The following TBC1D25 variants were observed in gnomAD, a reference collection of about 807,000 sequenced individuals.
TBC1D25 encodes TBC1 domain family member 25, also known as 5SN3 snoRNA.
TBC1D25 carries 13 observed loss-of-function variants against 38.8 expected under a neutral mutation model. The observed-to-expected ratio is 0.34, with a 90% confidence interval of 0.22 to 0.53. The LOEUF is 0.53. Ranked by LOEUF, TBC1D25 falls within the 20% of genes least tolerant of loss-of-function variation. The pLI is 0.94. For missense variants in TBC1D25, 372 were observed against 600.0 expected (o/e 0.62, Z 3.97); for synonymous variants, 225 against 255.6 (o/e 0.88, Z 1.14).
intron 2 of TBC1D25, 85 bp from the exon 3 acceptor site, chrX:48,544,784 A>G: frequency 2.7e-6 from 3 of 1,127,919 alleles, no homozygotes; most frequent in Non-Finnish European, 3.6e-6. Flanking sequence ...AACGCCTTCT[A>G]TATTACCCTC....
Position 48,560,972 on chromosome X carries a change from T to C in TBC1D25, c.2064T>C (p.Ser688=). The change falls in exon 6 of 6, where the codon TCT becomes TCC. Residue 688 remains serine (S), a synonymous_variant. Coordinates refer to ENST00000376771, the MANE Select transcript of TBC1D25 (RefSeq NM_002536.4). The part of the protein sequence containing the change: ...SEEGAEATAA[S] Reference sequence around the variant, plus strand: ...AGGGGGCTGAGGCCACAGCCGCATCTTGATCAGGCTTTCTCAAGCCCTCCA... The same window carrying C: ...AGGGGGCTGAGGCCACAGCCGCATCCTGATCAGGCTTTCTCAAGCCCTCCA... 2 of 1,185,917 alleles carry C rather than the reference T, an allele frequency of 1.7e-6. No individual in the cohort carries two copies. The highest frequency in any genetic ancestry group is 3.0e-5 in the East Asian group (1 of 33,464).
At position 48,541,437 on chromosome X, in the gene TBC1D25, G is replaced by A. The variant is rs1305807388; in HGVS notation, c.228G>A (p.Leu76=). Residue 76 remains leucine, a synonymous_variant, in exon 2 of 6, where the codon TTG becomes TTA. Transcript: ENST00000376771. ...ACATCCTCATCCGAGCCTTTGATTTGAGTGGGTGAGTGGGAAGATGCTGGG... is the reference window on the plus strand; with the variant it reads ...ACATCCTCATCCGAGCCTTTGATTTAAGTGGGTGAGTGGGAAGATGCTGGG... ...LQHILIRAFD[L]SGKKNFGISY... The A allele has an allele frequency of 1.7e-6, 2 of 1,209,949 alleles. No homozygotes were observed. Among genetic ancestry groups the A allele is most frequent in the Non-Finnish European group, 2.2e-6 (2 of 894,155 alleles).
Position 48,560,153 on chromosome X carries a change from G to A in TBC1D25, c.1245G>A (p.Lys415=). The A allele has an allele frequency of 8.3e-7, 1 of 1,208,649 alleles. No individual in the cohort carries two copies. Among genetic ancestry groups the A allele is most frequent in the Non-Finnish European group, 1.1e-6 (1 of 893,973 alleles). The change falls in exon 6 of 6, where the codon AAG becomes AAA. Residue 415 remains lysine, a synonymous_variant. Transcript: ENST00000376771. The part of the protein sequence containing the change: ...FCYRWLLLEL[K]REFAFDDALR... ...ACCGCTGGCTGCTGCTGGAACTCAA[G>A]CGTGAGTTCGCCTTCGACGATGCCC...
chrX:48,544,893 C>T lies in TBC1D25; in HGVS notation c.258C>T (p.Tyr86=), dbSNP rs1436750333. The T allele has an allele frequency of 9.1e-6, 11 of 1,212,014 alleles. No individual in the cohort carries two copies. The highest frequency in any genetic ancestry group is 1.2e-5 in the Non-Finnish European group (11 of 895,553). The change falls in exon 3 of 6, where the codon TAC becomes TAT. Residue 86 remains tyrosine (Y), a synonymous_variant. Transcript: ENST00000376771. ...LSGKKNFGIS[Y]LGRDRLGQEV... is the part of the protein sequence containing the mutation. Reference sequence around the variant, plus strand: ...GGAAGAAGAACTTTGGCATCAGCTACCTGGGCCGGGACCGGCTAGGACAGG... The same window carrying T: ...GGAAGAAGAACTTTGGCATCAGCTATCTGGGCCGGGACCGGCTAGGACAGG...
rs782718467 is a variant in TBC1D25, at chrX:48,543,598, A to G, written c.234-1271A>G. On this transcript the variant is annotated intron_variant, in intron 2 of 5. Coordinates refer to ENST00000376771, the MANE Select transcript of TBC1D25 (RefSeq NM_002536.4). ...TCCAGACAGGTTTTATCAATTTATG[A>G]TCTCAGCCGGGCGCTGTGGCTCATG... Among the ~76,000 whole-genome samples the G allele has an allele frequency of 2.9e-5, 3 of 104,244 alleles. No homozygotes were observed. The East Asian group carries it at 9.6e-4, about 34-fold the overall frequency. The allele number at this position is 104,244 out of a possible 115,157, so 90.5% of individuals were successfully genotyped here. A position where few individuals can be genotyped will look rare whatever the true frequency, so the allele number is the denominator to read the frequency against.
At chrX:48,540,065 G>A in intron 1 of TBC1D25, 145 bp downstream of exon 1, 2 of 815,123 alleles carry the variant, frequency 2.5e-6, no homozygotes, top group Non-Finnish European at 3.1e-6. Flanking sequence ...GATGGCGAGG[G>A]GTAGGGAGGG....
intron 3 of TBC1D25, among the ~76,000 whole-genome samples, chrX:48,554,830 C>T (rs1210777471): frequency 1.8e-5 from 2 of 112,062 alleles, no homozygotes; most frequent in African/African-American, 6.5e-5. Flanking sequence ...AGTGGTTCTT[C>T]TGTTCAGACT....
In TBC1D25 at chrX:48,559,955, C is replaced by T. The variant is rs782700426; in HGVS notation, c.1047C>T (p.Gly349=). The change falls in exon 6 of 6, where the codon GGC becomes GGT. Residue 349 remains glycine, a synonymous_variant. Transcript: ENST00000376771. The part of the protein sequence containing the change: ...SPILAVMDHE[G]HAFVCFCGIM... ...TCCTCGCTGTCATGGACCATGAGGG[C>T]CATGCCTTTGTTTGCTTTTGTGGCA... 8.3e-7 allele frequency: 1 copy of T among 1,211,704 alleles called. No individual in the cohort carries two copies. Among genetic ancestry groups the T allele is most frequent in the South Asian group, 1.8e-5 (1 of 56,950 alleles).
At position 48,560,691 on chromosome X, in the gene TBC1D25, A is replaced by G. The variant is rs1556986062; in HGVS notation, c.1783A>G (p.Lys595Glu). Residue 595 changes from lysine to glutamate, a missense_variant, in exon 6 of 6, where the codon AAG becomes GAG. Lys to Glu is a moderately conservative substitution (Grantham distance 56, BLOSUM62 1). Coordinates refer to ENST00000376771, the MANE Select transcript of TBC1D25 (RefSeq NM_002536.4). ...GGTAGGCTCCCCGAAAGACCCTGGAAAGTCCCTGCCACCTGTACCACCAAT... is the reference window on the plus strand; with the variant it reads ...GGTAGGCTCCCCGAAAGACCCTGGAGAGTCCCTGCCACCTGTACCACCAAT... ...QEVGSPKDPG[K>E]SLPPVPPMGL... 1 of 1,211,782 alleles carries G rather than the reference A, an allele frequency of 8.3e-7. No homozygotes were observed. The highest frequency in any genetic ancestry group is 1.1e-6 in the Non-Finnish European group (1 of 895,507).
chrX:48,543,082 A>G (rs1267259531), intron 2 of TBC1D25, among the ~76,000 whole-genome samples: 2 of 110,881 alleles, frequency 1.8e-5, no homozygotes, highest in Non-Finnish European at 3.8e-5. Context: ...AACATAGTAT[A>G]TATAGGGCTT....
At chrX:48,547,734 C>T (rs1199886638) in intron 3 of TBC1D25, among the ~76,000 whole-genome samples, 6 of 111,210 alleles carry the variant, frequency 5.4e-5, no homozygotes, top group Non-Finnish European at 7.6e-5. Flanking sequence ...GTCAGGAGTT[C>T]GAGACCAGCC....
rs2061837315 is a variant in TBC1D25 at position 48,541,355 on chromosome X, C to T, written c.146C>T (p.Pro49Leu). ...RVKKCESFLP[P>L]EFRSFAVDPQ... Reference sequence around the variant, plus strand: ...CAGAAATGTGAGAGCTTCTTGCCGCCAGAGTTCCGCTCTTTTGCTGTAGAT... The same window carrying T: ...CAGAAATGTGAGAGCTTCTTGCCGCTAGAGTTCCGCTCTTTTGCTGTAGAT... The change falls in exon 2 of 6, where the codon CCA (proline) becomes CTA (leucine). Residue 49 changes from proline to leucine, a missense_variant. By Grantham distance (98) the Pro-to-Leu change is moderately conservative. Around this residue, in one of 2 missense-constraint regions of TBC1D25, gnomAD observed 60 missense variants for 50.7 expected, o/e 1.18. Transcript: ENST00000376771. 7 of 1,211,788 alleles carry T rather than the reference C, an allele frequency of 5.8e-6. No homozygotes were observed. The highest frequency in any genetic ancestry group is 7.8e-6 in the Non-Finnish European group (7 of 895,527).
chrX:48,544,742 C>T, intron 2 of TBC1D25, 127 bp from the exon 3 acceptor site: 1 of 867,206 alleles, frequency 1.2e-6, no homozygotes, highest in Non-Finnish European at 1.6e-6. Context: ...ATCCTTGGCA[C>T]AGTACCTTGC....
chrX:48,553,503 T>A (rs887577777), intron 3 of TBC1D25, among the ~76,000 whole-genome samples: 6 of 109,681 alleles, frequency 5.5e-5, no homozygotes, highest in African/African-American at 9.9e-5. Context: ...TGCTGTGAGC[T>A]ACTGTCTTAT....
chrX:48,551,380 T>C (rs1472876950), intron 3 of TBC1D25, among the ~76,000 whole-genome samples: 1 of 111,709 alleles, frequency 9.0e-6, no homozygotes, highest in African/African-American at 3.3e-5. Context: ...CAGGCTGGAG[T>C]GCAGTGGCAC....
chrX:48,558,907 A>G lies in TBC1D25; in HGVS notation c.399A>G (p.Leu133=). The G allele has an allele frequency of 8.3e-7, 1 of 1,211,622 alleles. No individual in the cohort carries two copies. Among genetic ancestry groups the G allele is most frequent in the Non-Finnish European group, 1.1e-6 (1 of 895,527 alleles). Residue 133 remains leucine (L), a synonymous_variant, in exon 4 of 6, where the codon CTA becomes CTG. Transcript: ENST00000376771. ...GTTCTGTTTGCCCAGGCCCATTGCTAGAAGACTGGGACATAATCAGCCCCA... is the reference window on the plus strand; with the variant it reads ...GTTCTGTTTGCCCAGGCCCATTGCTGGAAGACTGGGACATAATCAGCCCCA... ...DIRPSEDSPL[L]EDWDIISPKD...
intron 3 of TBC1D25, among the ~76,000 whole-genome samples, chrX:48,557,660 T>A (rs1462374631): frequency 3.8e-5 from 4 of 104,315 alleles, no homozygotes; most frequent in Admixed American, 1.0e-4. Context: ...AAAAAAAAAA[T>A]TAGCTGGACC....
intron 3 of TBC1D25, among the ~76,000 whole-genome samples, chrX:48,556,527 G>A (rs182397550): frequency 1.0e-4 from 11 of 109,961 alleles, no homozygotes; most frequent in African/African-American, 3.6e-4. Flanking sequence ...CACATAAGGC[G>A]GGTGGATCAC....
intron 3 of TBC1D25, among the ~76,000 whole-genome samples, chrX:48,551,232 C>T (rs782028300): frequency 1.5e-4 from 17 of 112,161 alleles, no homozygotes; most frequent in Middle Eastern, 9.1e-3. Flanking sequence ...ATTCACACTA[C>T]GTGGGTTATA....
Sources: gnomAD v4.1 joint callset for allele counts (sites outside exome capture counted in the v4.1 genomes callset) on GRCh38, gnomAD v4.1.1 for gene constraint, gnomAD v4.1.1 regional missense constraint, MANE v1.5 for transcripts, NCBI Gene and HGNC (gene_info 2026-07-23, HGNC 2026-07-21) for gene names.